The following CRHR1 variants were observed in gnomAD, a reference collection of about 807,000 sequenced individuals.
The protein encoded by CRHR1 is corticotropin-releasing hormone receptor 1.
A neutral mutation model predicts 56.0 loss-of-function variants in CRHR1; 28 were observed. That is an observed-to-expected ratio of 0.50 (90% CI 0.37 to 0.69). The LOEUF is 0.69. Ranked by LOEUF, CRHR1 falls within the 30% of genes least tolerant of loss-of-function variation. The pLI is 0.00. For synonymous variants in CRHR1, 195 were observed against 216.5 expected (o/e 0.90, Z 0.87); for missense variants, 376 against 548.0 (o/e 0.69, Z 3.13).
intron 4 of CRHR1, among the ~76,000 whole-genome samples, chr17:45,823,403 CTTTT>C (rs71138512): frequency 9.9e-6 from 1 of 100,598 alleles, no homozygotes. Flanking sequence ...GGGACATTCC[CTTTT>C]TTTTTTTTTT....
At chr17:45,833,693 T>TGGGGGGGCGGCCCCCC in intron 10 of CRHR1, 21 bp from the exon 11 acceptor site, 1 of 1,571,618 alleles carries the variant, frequency 6.4e-7, no homozygotes, top group South Asian at 1.1e-5. Context: ...ACTCCGAGCC[T>TGGGGGGGCGGCCCCCC]CCCCACCCGC....
At chr17:45,796,422 G>A (rs1466129838) in intron 1 of CRHR1, among the ~76,000 whole-genome samples, 1 of 152,212 alleles carries the variant, frequency 6.6e-6, no homozygotes, top group East Asian at 1.9e-4. Flanking sequence ...GAGCTGGGCT[G>A]CAGCCAGGAG....
At chr17:45,811,163 G>C (rs1193822566) in intron 2 of CRHR1, among the ~76,000 whole-genome samples, 1 of 152,262 alleles carries the variant, frequency 6.6e-6, no homozygotes, top group African/African-American at 2.4e-5. Flanking sequence ...GATCTGCCAA[G>C]CACACGTGGA....
At chr17:45,820,955 GA>G (rs1474017863) in intron 3 of CRHR1, among the ~76,000 whole-genome samples, 73 of 152,312 alleles carry the variant, frequency 4.8e-4, no homozygotes, top group Middle Eastern at 3.4e-3. Context: ...ATTGACTCAT[GA>G]GGTCTCACCA....
intron 1 of CRHR1, among the ~76,000 whole-genome samples, chr17:45,804,568 A>C (rs959399527): frequency 2.0e-5 from 3 of 152,008 alleles, no homozygotes; most frequent in African/African-American, 7.3e-5. Flanking sequence ...GAGATAAGGG[A>C]GAACATTCCC....
At chr17:45,804,501 G>T (rs889701360) in intron 1 of CRHR1, among the ~76,000 whole-genome samples, 16 of 152,242 alleles carry the variant, frequency 1.1e-4, no homozygotes, top group Middle Eastern at 3.4e-3. Context: ...TCATCATCGG[G>T]ACAGGACTGG....
At chr17:45,818,650 G>A (rs1444208281) in intron 3 of CRHR1, among the ~76,000 whole-genome samples, 1 of 152,180 alleles carries the variant, frequency 6.6e-6, no homozygotes, top group African/African-American at 2.4e-5. Context: ...AGGGCTGGAA[G>A]ACCCCTTTCC....
At position 45,817,125 on chromosome 17, in the gene CRHR1, C is replaced by T. The variant is rs181276806; in HGVS notation, c.241+543C>T. Among the ~76,000 whole-genome samples, 17 of 152,234 alleles carry T rather than the reference C, an allele frequency of 1.1e-4. 1 individual carries two copies. In the East Asian group the frequency reaches 2.1e-3, roughly 19 times the overall value. ...GATTTGTAGGTGGAGTGGGGCAGGA[C>T]GGGGTTGACCCAGGGTCCGTCGGAT... On this transcript the variant is annotated intron_variant, in intron 3 of 12. Transcript: ENST00000314537.
intron 1 of CRHR1, among the ~76,000 whole-genome samples, chr17:45,803,780 G>GTGTGTGCGCA (rs1161689548): frequency 2.0e-5 from 3 of 149,090 alleles, no homozygotes; most frequent in African/African-American, 5.2e-5. Context: ...GTGTGTGCGT[G>GTGTGTGCGCA]CGCGTGCGCG....
chr17:45,806,880 G>A, intron 1 of CRHR1, 130 bp from the exon 2 acceptor site: 1 of 701,594 alleles, frequency 1.4e-6, no homozygotes, highest in Non-Finnish European at 2.5e-6. Flanking sequence ...GAAGCGACTG[G>A]ATGTGTGACA....
chr17:45,829,210 T>A lies in CRHR1; in HGVS notation c.328-5T>A, dbSNP rs2062235819. On this transcript the variant is annotated splice_region_variant and splice_polypyrimidine_tract_variant and intron_variant, in intron 4 of 12. Coordinates refer to ENST00000314537, the MANE Select transcript of CRHR1 (RefSeq NM_004382.5). ...GCTCACCTCTGCCCCTCTCTCCTGCTCCAGAAAAAAAGCAAGGTGCACTAC... is the reference window on the plus strand; with the variant it reads ...GCTCACCTCTGCCCCTCTCTCCTGCACCAGAAAAAAAGCAAGGTGCACTAC... 1 of 1,612,390 alleles carries A rather than the reference T, an allele frequency of 6.2e-7. No homozygotes were observed. Among genetic ancestry groups the A allele is most frequent in the Admixed American group, 1.7e-5 (1 of 59,882 alleles).
At chr17:45,786,082 T>A (rs1426468256) in intron 1 of CRHR1, among the ~76,000 whole-genome samples, 1 of 151,986 alleles carries the variant, frequency 6.6e-6, no homozygotes, top group Non-Finnish European at 1.5e-5. Context: ...CCAAATTCAG[T>A]CTTTTAAATG....
intron 1 of CRHR1, among the ~76,000 whole-genome samples, chr17:45,786,411 T>C (rs1352618775): frequency 1.3e-5 from 2 of 152,202 alleles, no homozygotes; most frequent in Admixed American, 1.3e-4. Flanking sequence ...TTTCTTCTTT[T>C]ATTTATGTAG....
intron 3 of CRHR1, among the ~76,000 whole-genome samples, chr17:45,817,146 C>T (rs367909476): frequency 1.3e-5 from 2 of 152,284 alleles, no homozygotes; most frequent in African/African-American, 4.8e-5. Flanking sequence ...CAGGGTCCGT[C>T]GGATACTTGA....
At chr17:45,808,247 C>G (rs571992051) in intron 2 of CRHR1, among the ~76,000 whole-genome samples, 1 of 152,200 alleles carries the variant, frequency 6.6e-6, no homozygotes, top group African/African-American at 2.4e-5. Flanking sequence ...TGTCTGCAGG[C>G]GGGCAGGAGG....
intron 2 of CRHR1, among the ~76,000 whole-genome samples, chr17:45,815,713 A>G (rs1011567457): frequency 6.6e-6 from 1 of 152,242 alleles, no homozygotes; most frequent in African/African-American, 2.4e-5. Flanking sequence ...AGAGAGGGCA[A>G]GTGACTTGCC....
chr17:45,806,948 G>A, intron 1 of CRHR1, 62 bp from the exon 2 acceptor site: 2 of 1,478,922 alleles, frequency 1.4e-6, no homozygotes, highest in Non-Finnish European at 1.9e-6. Flanking sequence ...CTGGGTGATG[G>A]AGCAACATGC....
intron 2 of CRHR1, among the ~76,000 whole-genome samples, chr17:45,812,416 G>T (rs1480123087): frequency 6.6e-6 from 1 of 152,196 alleles, no homozygotes; most frequent in Non-Finnish European, 1.5e-5. Flanking sequence ...TTGGCTATTT[G>T]CAAGGTTGGA....
chr17:45,797,678 G>A lies in CRHR1; in HGVS notation c.34-9332G>A, dbSNP rs565298909. Among the ~76,000 whole-genome samples, 27 of 152,256 alleles carry A rather than the reference G, an allele frequency of 1.8e-4. No homozygotes were observed. The South Asian group carries it at 5.6e-3, about 32-fold the overall frequency. ...CCCCATTTACAGATGGGGAAAATGA[G>A]GCTTGGAGAAGTTCGGTGATTCTCC... is the stretch of plus-strand genomic sequence containing the variant. On this transcript the variant is annotated intron_variant, in intron 1 of 12. Transcript: ENST00000314537.
Sources: gnomAD v4.1 joint callset for allele counts (sites outside exome capture counted in the v4.1 genomes callset) on GRCh38, gnomAD v4.1.1 for gene constraint, MANE v1.5 for transcripts, NCBI Gene and HGNC (gene_info 2026-07-23, HGNC 2026-07-21) for gene names.